Variants in TRIM52 observed in about 807,000 individuals in gnomAD.
TRIM52 encodes the protein E3 ubiquitin-protein ligase TRIM52.
In TRIM52, 24 loss-of-function variants were observed where a neutral mutation model predicts 27.0. The observed-to-expected ratio is 0.89, with a 90% CI of 0.64 to 1.25. The LOEUF (loss-of-function observed/expected upper bound fraction) is 1.25. TRIM52 is among the 50% of genes most tolerant of loss of function. The pLI, the probability that TRIM52 is intolerant of heterozygous loss-of-function variation, is 0.00. For missense variants in TRIM52, 351 were observed against 354.7 expected (o/e 0.99, Z 0.08); for synonymous variants, 125 against 126.5 (o/e 0.99, Z 0.08).
Position 181,259,998 on chromosome 5 carries a change from CA to C in TRIM52, c.813+2del, listed in dbSNP as rs758120130. ...TCCCCCCACATTCCCTCATTTCTCT[CA>C]CCTGGTACTCCTGCACCACCTCCTC... On this transcript the variant is annotated splice_donor_variant, in intron 1 of 1. Coordinates refer to ENST00000688015, the MANE Select transcript of TRIM52 (RefSeq NM_001346048.2). LOFTEE classifies it high-confidence loss of function. The C allele has an allele frequency of 2.5e-6, 4 of 1,613,600 alleles. No individual in the cohort carries two copies. Among genetic ancestry groups the C allele is most frequent in the Non-Finnish European group, 3.4e-6 (4 of 1,180,040 alleles).
In TRIM52 at chr5:181,260,803, T is replaced by C. The variant is rs561077746; in HGVS notation, c.11A>G (p.Tyr4Cys). ...CTGCATGGGGCTGGGAGTAGTGGCA[T>C]AACCAGCCATCTTAATGCCCGCCGG... The part of the protein sequence containing the change: MAG[Y>C]ATTPSPMQTL... The change falls in exon 1 of 2, where the codon TAT (tyrosine) becomes TGT (cysteine). Residue 4 changes from tyrosine (Y) to cysteine (C), a missense_variant. By Grantham distance (194) the Tyr-to-Cys change is radical. Coordinates refer to ENST00000688015, the MANE Select transcript of TRIM52 (RefSeq NM_001346048.2). This position sits in a 1 kb window ranked among gnomAD's most constrained non-coding sequence, Gnocchi z 4.4. 1.3e-6 allele frequency: 2 copies of C among 1,586,224 alleles called. No homozygotes were observed. The highest frequency in any genetic ancestry group is 1.7e-6 in the Non-Finnish European group (2 of 1,162,200).
downstream of TRIM52, among the ~76,000 whole-genome samples, chr5:181,252,566 T>C (rs1366626015): frequency 6.6e-6 from 1 of 152,176 alleles, no homozygotes; most frequent in Non-Finnish European, 1.5e-5. Context: ...CAGCAAATAT[T>C]TGCAATAACT....
intron 1 of TRIM52, chr5:181,259,017 G>A (rs1241045738): frequency 6.6e-6 from 1 of 152,204 alleles, no homozygotes; most frequent in East Asian, 1.9e-4. Context: ...CCTCTCCTTC[G>A]TTTGGGCACT....
At position 181,260,591 on chromosome 5, in the gene TRIM52, T is replaced by G. The variant is rs774806683; in HGVS notation, c.223A>C (p.Met75Leu). Reference protein sequence around the residue: ...EEEDEEAVGAMDGWDGSIREV... With the variant: ...EEEDEEAVGALDGWDGSIREV... ...CGAATGGAGCCGTCCCATCCATCCA[T>G]GGCCCCCACCGCTTCCTCGTCCTCC... The change falls in exon 1 of 2, where the codon ATG (methionine) becomes CTG (leucine). Residue 75 changes from methionine to leucine, a missense_variant. Transcript: ENST00000688015. This position sits in a 1 kb window ranked among gnomAD's most constrained non-coding sequence, Gnocchi z 4.4. The G allele has an allele frequency of 6.2e-7, 1 of 1,613,908 alleles. No homozygotes were observed.
downstream of TRIM52, among the ~76,000 whole-genome samples, chr5:181,251,935 CAA>C (rs1286169253): frequency 6.6e-6 from 1 of 152,182 alleles, no homozygotes; most frequent in Admixed American, 6.5e-5. Flanking sequence ...ATCCCATTTT[CAA>C]AAAGTCAGGC....
chr5:181,249,956 G>A (rs138559486), downstream of TRIM52, among the ~76,000 whole-genome samples: 19 of 151,158 alleles, frequency 1.3e-4, 1 homozygote, highest in East Asian at 3.6e-3. Context: ...TCAGTCTCCC[G>A]AGTAGCTGGG....
At chr5:181,252,461 T>C (rs1179043075), downstream of TRIM52, among the ~76,000 whole-genome samples, 5 of 152,276 alleles carry the variant, frequency 3.3e-5, no homozygotes, top group African/African-American at 9.6e-5. Flanking sequence ...AGACAGCAGA[T>C]ACAGAATACT....
chr5:181,257,566 A>G, intron 1 of TRIM52: 1 of 1,221,388 alleles, frequency 8.2e-7, no homozygotes, highest in Non-Finnish European at 1.1e-6. Flanking sequence ...ACTGTATTAA[A>G]TAAACCATTA....
In TRIM52 at chr5:181,258,389, CA is replaced by C. The variant is rs138755010; in HGVS notation, c.814-1531del. 701 of 149,138 alleles carry C rather than the reference CA, an allele frequency of 4.7e-3. 6 individuals carry two copies. The highest frequency in any genetic ancestry group is 0.016 in the African/African-American group (666 of 40,902). 9.2% of individuals were successfully genotyped at this position (149,138 alleles called of 1,614,324 possible). On this transcript the variant is annotated intron_variant, in intron 1 of 1. Coordinates refer to ENST00000688015, the MANE Select transcript of TRIM52 (RefSeq NM_001346048.2). ...TGGGCAACAGAGCAAGATACCGTCT[CA>C]AAAAAAAAAGTTAGAAGAGAAATGG...
At chr5:181,254,020 G>A (rs1759693940), downstream of TRIM52, among the ~76,000 whole-genome samples, 2 of 141,656 alleles carry the variant, frequency 1.4e-5, no homozygotes, top group Non-Finnish European at 3.0e-5. Flanking sequence ...GCCGGGCGCG[G>A]TGGCTCACGC....
intron 1 of TRIM52, chr5:181,257,703 AAG>A (rs1759842160): frequency 2.9e-6 from 1 of 342,804 alleles, no homozygotes; most frequent in African/African-American, 2.1e-5. Flanking sequence ...TAAAGAATGA[AAG>A]AGACACCCAG....
rs1759764676 is a variant in TRIM52, at chr5:181,256,110, G to A, written c.*699C>T. 6.6e-6 allele frequency: 1 copy of A among 152,176 alleles called. No individual in the cohort carries two copies. Among genetic ancestry groups the A allele is most frequent in the African/African-American group, 2.4e-5 (1 of 41,448 alleles). The allele number at this position is 152,176 out of a possible 1,614,324, so 9.4% of individuals were successfully genotyped here. On this transcript the variant is annotated 3_prime_UTR_variant, in exon 2 of 2. Coordinates refer to ENST00000688015, the MANE Select transcript of TRIM52 (RefSeq NM_001346048.2). ...GGTGGTGACAGCTGCAGTACATCTT[G>A]AATACCAGTTTTCTTCAATCTTTGC...
In TRIM52 at chr5:181,256,321, TTTC is replaced by T. The variant is rs1759774619; in HGVS notation, c.*485_*487del. 1 of 152,182 alleles carries T rather than the reference TTTC, an allele frequency of 6.6e-6. No homozygotes were observed. The highest frequency in any genetic ancestry group is 2.4e-5 in the African/African-American group (1 of 41,452). 9.4% of individuals were successfully genotyped at this position (152,182 alleles called of 1,614,324 possible). A position where few individuals can be genotyped will look rare whatever the true frequency, so the allele number is the denominator to read the frequency against. On this transcript the variant is annotated 3_prime_UTR_variant, in exon 2 of 2. Coordinates refer to ENST00000688015, the MANE Select transcript of TRIM52 (RefSeq NM_001346048.2). ...ATTCTGAATGTAAGCAAAGTACAGT[TTTC>T]TTCATCAGTAGATTCATCTCAACCA...
intron 1 of TRIM52, chr5:181,259,671 T>C (rs546378631): frequency 2.4e-4 from 96 of 402,848 alleles, no homozygotes; most frequent in Non-Finnish European, 4.0e-4. Flanking sequence ...GGACTCACAT[T>C]AGGGAGAAAT....
chr5:181,249,827 G>GTT (rs1237894738), downstream of TRIM52, among the ~76,000 whole-genome samples: 274 of 128,448 alleles, frequency 2.1e-3, 3 homozygotes, highest in African/African-American at 5.9e-3. Flanking sequence ...ATCACTTGCA[G>GTT]TTTTTTTTTT....
rs185982756 is a variant in TRIM52, at chr5:181,260,899, G to T, written c.-86C>A. The T allele has an allele frequency of 1.3e-5, 19 of 1,480,404 alleles. No homozygotes were observed. The African/African-American group carries it at 2.5e-4, about 20-fold the overall frequency. The allele number at this position is 1,480,404 out of a possible 1,614,324, so 91.7% of individuals were successfully genotyped here. ...TGCAGGCCTGCCTCCAAACTACTCT[G>T]GTGACCCGAGGCTGTCCTCAACCTT... On this transcript the variant is annotated 5_prime_UTR_variant, in exon 1 of 2. Coordinates refer to ENST00000688015, the MANE Select transcript of TRIM52 (RefSeq NM_001346048.2). The surrounding 1 kb of genome is among the most constrained non-coding windows in gnomAD (Gnocchi z 4.4).
Position 181,261,079 on chromosome 5 carries a change from AG to A in TRIM52, c.-267del. 2.1e-6 allele frequency: 1 copy of A among 474,568 alleles called. No homozygotes were observed. The highest frequency in any genetic ancestry group is 3.8e-6 in the Non-Finnish European group (1 of 266,506). The allele number at this position is 474,568 out of a possible 1,614,324, so 29.4% of individuals were successfully genotyped here. Reference sequence around the variant, plus strand: ...TCCTGTCACGTCTCTCGCTACCCTCAGGGTGTGCCCTACACTGCGGCGTCCG... The same window carrying A: ...TCCTGTCACGTCTCTCGCTACCCTCAGGTGTGCCCTACACTGCGGCGTCCG... On this transcript the variant is annotated 5_prime_UTR_variant, in exon 1 of 2. Coordinates refer to ENST00000688015, the MANE Select transcript of TRIM52 (RefSeq NM_001346048.2).
chr5:181,257,681 C>G, intron 1 of TRIM52: 1 of 419,652 alleles, frequency 2.4e-6, no homozygotes, highest in Non-Finnish European at 4.2e-6. Context: ...AAGGAAGTGA[C>G]AATGAACTGC....
At position 181,260,261 on chromosome 5, in the gene TRIM52, G is replaced by A. The variant is rs758734479; in HGVS notation, c.553C>T (p.Gln185Ter). The A allele has an allele frequency of 3.7e-6, 6 of 1,614,094 alleles. No individual in the cohort carries two copies. The highest frequency in any genetic ancestry group is 4.2e-6 in the Non-Finnish European group (5 of 1,180,038). The change falls in exon 1 of 2, where the codon CAG (glutamine) becomes TAG (stop). Residue 185 changes from glutamine (Q) to a stop codon, truncating the protein, a stop_gained. Coordinates refer to ENST00000688015, the MANE Select transcript of TRIM52 (RefSeq NM_001346048.2). LOFTEE classifies it high-confidence loss of function. The surrounding 1 kb of genome is among the most constrained non-coding windows in gnomAD (Gnocchi z 4.4). ...LPLPGQFTCPQCRKSFTRRSF... is the reference protein window; with the variant it reads ...LPLPGQFTCP The stretch of plus-strand genomic sequence containing the variant: ...CGACGTGTAAAGCTCTTTCGGCACT[G>A]GGGGCAGGTGAACTGCCCTGGAAGG...
Sources: gnomAD v4.1 joint callset for allele counts (sites outside exome capture counted in the v4.1 genomes callset) on GRCh38, gnomAD v4.1.1 for gene constraint, Gnocchi (gnomAD v3.1) non-coding constraint, MANE v1.5 for transcripts, NCBI Gene and HGNC (gene_info 2026-07-23, HGNC 2026-07-21) for gene names.